SHISAL1: variants seen among roughly 807,000 people sequenced by gnomAD.
The protein encoded by SHISAL1 is shisa like 1.
Under a neutral mutation model 22.6 loss-of-function variants are expected in SHISAL1, and 9 were observed. The ratio of observed to expected loss-of-function variants is 0.40; its 90% CI spans 0.24 to 0.70. The LOEUF (loss-of-function observed/expected upper bound fraction) is 0.70, where lower values mean the gene tolerates loss of function less well. SHISAL1 is among the 30% of genes least tolerant of loss of function. The pLI is 0.39. For synonymous variants in SHISAL1, 119 were observed against 115.4 expected, an observed-to-expected ratio of 1.03 and a Z score of -0.20; for missense variants, 246 against 270.6, an observed-to-expected ratio of 0.91 and a Z score of 0.64.
intron 4 of SHISAL1, among the ~76,000 whole-genome samples, chr22:44,272,912 G>A (rs135412): frequency 0.57 from 86,935 of 151,956 alleles, 25,141 homozygotes; most frequent in Non-Finnish European, 0.61. Flanking sequence ...CCTGGGCAAC[G>A]TGGCAAAACT....
chr22:44,251,150 A>G (rs1024178787), intron 4 of SHISAL1, among the ~76,000 whole-genome samples: 1 of 152,162 alleles, frequency 6.6e-6, no homozygotes, highest in Non-Finnish European at 1.5e-5. Context: ...GTCTTCCCCA[A>G]ATAGAAAGTT....
In SHISAL1 at chr22:44,296,835, G is replaced by C; in HGVS notation, c.118C>G (p.Arg40Gly). The C allele has an allele frequency of 6.2e-7, 1 of 1,613,404 alleles. No homozygotes were observed. The highest frequency in any genetic ancestry group is 8.5e-7 in the Non-Finnish European group (1 of 1,180,030). ...VCEPYTDHKG[R>G]YHFGFHCPRL... ...GGGCAGTGGAAGCCAAAGTGGTAGC[G>C]GCCTTTGTGGTCTGTGTATGGTTCA... The change falls in exon 3 of 5, where the codon CGC (arginine) becomes GGC (glycine). Residue 40 changes from arginine (R) to glycine (G), a missense_variant. By Grantham distance (125) the Arg-to-Gly change is moderately radical. Around this residue, in one of 2 missense-constraint regions of SHISAL1, gnomAD observed 110 missense variants for 153.1 expected, o/e 0.72. Transcript: ENST00000381176.
chr22:44,280,742 C>CA (rs1183496290), intron 4 of SHISAL1, among the ~76,000 whole-genome samples: 1 of 151,598 alleles, frequency 6.6e-6, no homozygotes, highest in Non-Finnish European at 1.5e-5. Flanking sequence ...GGATGTCAGC[C>CA]CCCATCAGGT....
At chr22:44,275,526 C>T (rs1393445486) in intron 4 of SHISAL1, among the ~76,000 whole-genome samples, 1 of 152,200 alleles carries the variant, frequency 6.6e-6, no homozygotes, top group Admixed American at 6.5e-5. Context: ...ATGGGTGAGG[C>T]CTACCTTGCA....
intron 1 of SHISAL1, among the ~76,000 whole-genome samples, chr22:44,305,086 A>C (rs1281224582): frequency 2.6e-5 from 4 of 152,194 alleles, no homozygotes; most frequent in African/African-American, 9.7e-5. Context: ...GCATCACTTT[A>C]GAAGCTGCTT....
At chr22:44,275,940 T>C (rs1249807599) in intron 4 of SHISAL1, among the ~76,000 whole-genome samples, 1 of 152,236 alleles carries the variant, frequency 6.6e-6, no homozygotes, top group Non-Finnish European at 1.5e-5. Flanking sequence ...GATTCATTCA[T>C]GCAACATGGA....
intron 3 of SHISAL1, among the ~76,000 whole-genome samples, chr22:44,286,753 C>T (rs2147291724): frequency 6.6e-6 from 1 of 152,320 alleles, no homozygotes; most frequent in South Asian, 2.1e-4. Flanking sequence ...GTCCAAGTCT[C>T]CCCGACCTGT....
chr22:44,255,293 CA>C (rs2055077038), intron 4 of SHISAL1, among the ~76,000 whole-genome samples: 1 of 152,094 alleles, frequency 6.6e-6, no homozygotes. Flanking sequence ...TTCTGATGGC[CA>C]ACGTGTCTAC....
At chr22:44,261,506 C>T (rs936800596) in intron 4 of SHISAL1, among the ~76,000 whole-genome samples, 23 of 152,126 alleles carry the variant, frequency 1.5e-4, no homozygotes, top group African/African-American at 4.8e-4. Flanking sequence ...GTTCAGGTCC[C>T]GGCTCTGCCC....
intron 1 of SHISAL1, among the ~76,000 whole-genome samples, chr22:44,301,313 CG>C (rs896159359): frequency 7.2e-5 from 11 of 152,180 alleles, no homozygotes; most frequent in African/African-American, 2.7e-4. Flanking sequence ...CGGGCTGGCC[CG>C]GCCACCTCGA....
intron 4 of SHISAL1, among the ~76,000 whole-genome samples, chr22:44,279,838 T>A (rs1039857144): frequency 3.4e-4 from 51 of 152,156 alleles, no homozygotes; most frequent in Admixed American, 3.3e-3. Context: ...AGCATCAGCA[T>A]CTCCCAGGAA....
chr22:44,245,654 G>T lies in SHISAL1; in HGVS notation c.*4031C>A. The T allele has an allele frequency of 6.5e-6, 1 of 152,706 alleles. No individual in the cohort carries two copies. The highest frequency in any genetic ancestry group is 1.5e-5 in the Non-Finnish European group (1 of 68,386). The allele number at this position is 152,706 out of a possible 1,614,324, so 9.5% of individuals were successfully genotyped here. On this transcript the variant is annotated 3_prime_UTR_variant, in exon 5 of 5. Transcript: ENST00000381176. ...GCAGCTGGAATCCTGAGCCAACCTG[G>T]ACAGCGGCCTGTGGGGGAGTCAGTG...
chr22:44,252,879 C>T (rs1418286763), intron 4 of SHISAL1, among the ~76,000 whole-genome samples: 3 of 151,920 alleles, frequency 2.0e-5, no homozygotes, highest in Non-Finnish European at 4.4e-5. Context: ...CCTGCAGTCC[C>T]AGCTACTCAA....
At chr22:44,286,009 AG>A (rs2055312907) in intron 3 of SHISAL1, among the ~76,000 whole-genome samples, 1 of 152,120 alleles carries the variant, frequency 6.6e-6, no homozygotes, top group East Asian at 1.9e-4. Context: ...GGGATCCCTG[AG>A]GGTCCCACAG....
intron 4 of SHISAL1, among the ~76,000 whole-genome samples, chr22:44,275,535 C>A (rs1405914318): frequency 6.6e-6 from 1 of 152,168 alleles, no homozygotes; most frequent in Admixed American, 6.5e-5. Flanking sequence ...GCCTACCTTG[C>A]ACAGAGAACC....
chr22:44,316,408 G>C (rs1601811508), upstream of SHISAL1, among the ~76,000 whole-genome samples: 1 of 125,280 alleles, frequency 8.0e-6, no homozygotes, highest in African/African-American at 2.9e-5. Flanking sequence ...GAACCAGGGT[G>C]GGGGGTGGGG....
chr22:44,292,221 G>A (rs928680081), intron 3 of SHISAL1, among the ~76,000 whole-genome samples: 4 of 152,222 alleles, frequency 2.6e-5, no homozygotes, highest in Admixed American at 2.6e-4. Context: ...GATGGGGGAG[G>A]ACCAGGAGCT....
chr22:44,321,491 G>C, the SHISAL1 span, among the ~76,000 whole-genome samples: 1 of 124,522 alleles, frequency 8.0e-6, no homozygotes, highest in African/African-American at 4.0e-5. Context: ...TGGCAGAATT[G>C]CTCCCCATCC....
intron 2 of SHISAL1, among the ~76,000 whole-genome samples, chr22:44,299,941 GAGAGACAGAC>G (rs960270960): frequency 1.3e-5 from 2 of 151,222 alleles, no homozygotes; most frequent in African/African-American, 4.9e-5. Flanking sequence ...CAGAGACACA[GAGAGACAGAC>G]AGAGACAGAC....
Sources: allele counts gnomAD v4.1 joint callset (sites outside exome capture counted in the v4.1 genomes callset), GRCh38; gene constraint gnomAD v4.1.1; regional missense constraint gnomAD v4.1.1; transcripts MANE v1.5; gene names NCBI Gene and HGNC (gene_info 2026-07-23, HGNC 2026-07-21).